KCNJ6: variants seen among roughly 807,000 people sequenced by gnomAD.
The protein encoded by KCNJ6 is G protein-activated inward rectifier potassium channel 2.
KCNJ6 carries 9 observed loss-of-function variants against 34.2 expected under a neutral mutation model. The observed-to-expected ratio is 0.26, with a 90% CI of 0.16 to 0.46. The LOEUF (loss-of-function observed/expected upper bound fraction) is 0.46, where lower values mean the gene tolerates loss of function less well. KCNJ6 is among the 20% of genes least tolerant of loss of function. The pLI is 1.00. For synonymous variants in KCNJ6, 196 were observed against 207.1 expected, an observed-to-expected ratio of 0.95 and a Z score of 0.46; for missense variants, 236 against 531.3, an observed-to-expected ratio of 0.44 and a Z score of 5.46.
At chr21:37,811,923 C>A (rs16995518) in intron 2 of KCNJ6, among the ~76,000 whole-genome samples, 1 of 152,112 alleles carries the variant, frequency 6.6e-6, no homozygotes, top group Non-Finnish European at 1.5e-5. Context: ...ATTGGAAAAA[C>A]ATTTGGCAAA....
intron 3 of KCNJ6, among the ~76,000 whole-genome samples, chr21:37,663,228 C>G (rs1335508102): frequency 1.3e-5 from 2 of 152,104 alleles, no homozygotes; most frequent in Non-Finnish European, 1.5e-5. Flanking sequence ...TCCATGGGAT[C>G]TATTTACATG....
intron 1 of KCNJ6, among the ~76,000 whole-genome samples, chr21:37,864,543 C>T (rs1031860504): frequency 6.6e-6 from 1 of 152,152 alleles, no homozygotes; most frequent in Admixed American, 6.5e-5. Context: ...AACTAGACAA[C>T]AAGTTACCCA....
chr21:37,812,702 A>G (rs939678454), intron 2 of KCNJ6, among the ~76,000 whole-genome samples: 24 of 152,220 alleles, frequency 1.6e-4, no homozygotes, highest in Admixed American at 2.6e-4. Context: ...AAAAAATTTG[A>G]TAAAATTCAA....
At chr21:37,864,874 T>C (rs79539429) in intron 1 of KCNJ6, among the ~76,000 whole-genome samples, 166 of 146,198 alleles carry the variant, frequency 1.1e-3, no homozygotes, top group Admixed American at 1.9e-3. Flanking sequence ...TCTCTCTCTT[T>C]TTTTTTTTTT....
In KCNJ6 at chr21:37,811,048, G is replaced by A. The variant is rs933925627; in HGVS notation, c.25+29610C>T. Among the ~76,000 whole-genome samples the A allele has an allele frequency of 2.6e-5, 4 of 152,136 alleles. No individual in the cohort carries two copies. In the South Asian group the frequency reaches 6.2e-4, roughly 24 times the overall value. On this transcript the variant is annotated intron_variant, in intron 2 of 3. Transcript: ENST00000609713. ...CTAACCCATCCATCCTCCGGGAAGA[G>A]GAGAGAGGCTGGAGATTGAGTTAAT...
At chr21:37,834,116 G>A (rs916168725) in intron 2 of KCNJ6, among the ~76,000 whole-genome samples, 3 of 152,130 alleles carry the variant, frequency 2.0e-5, no homozygotes, top group African/African-American at 7.2e-5. Flanking sequence ...TCTTTCATCC[G>A]TGTATGCCCA....
chr21:37,793,803 C>T (rs1483985552), intron 2 of KCNJ6, among the ~76,000 whole-genome samples: 1 of 152,186 alleles, frequency 6.6e-6, no homozygotes, highest in African/African-American at 2.4e-5. Context: ...CACACATGGA[C>T]ACACAGCTTC....
intron 2 of KCNJ6, among the ~76,000 whole-genome samples, chr21:37,752,360 T>C (rs12482284): frequency 0.26 from 40,209 of 151,906 alleles, 5,815 homozygotes; most frequent in African/African-American, 0.36. Context: ...TAGGAGGTGG[T>C]CTGACATGAA....
intron 2 of KCNJ6, among the ~76,000 whole-genome samples, chr21:37,827,780 G>A (rs1171000608): frequency 6.6e-6 from 1 of 152,040 alleles, no homozygotes; most frequent in Non-Finnish European, 1.5e-5. Context: ...AGCTTTCAGT[G>A]TATCTGTTAG....
At chr21:37,769,482 A>G (rs1367493013) in intron 2 of KCNJ6, among the ~76,000 whole-genome samples, 1 of 150,996 alleles carries the variant, frequency 6.6e-6, no homozygotes, top group Non-Finnish European at 1.5e-5. Flanking sequence ...TTATTTTCAA[A>G]CTCAACATAG....
chr21:37,687,252 CG>C (rs1342704782), intron 3 of KCNJ6, among the ~76,000 whole-genome samples: 1 of 152,102 alleles, frequency 6.6e-6, no homozygotes. Flanking sequence ...CTCAGCAACG[CG>C]GGGTTACAGG....
intron 3 of KCNJ6, among the ~76,000 whole-genome samples, chr21:37,683,515 T>C (rs1478793913): frequency 1.3e-5 from 2 of 152,250 alleles, no homozygotes; most frequent in African/African-American, 4.8e-5. Flanking sequence ...GCTTCTTTAG[T>C]TTTTATTTGC....
chr21:37,914,666 G>A (rs1255513066), intron 1 of KCNJ6, among the ~76,000 whole-genome samples: 1 of 152,184 alleles, frequency 6.6e-6, no homozygotes, highest in Non-Finnish European at 1.5e-5. Context: ...AGGCAAAATG[G>A]GCGAAGCTCA....
chr21:37,683,040 C>T (rs1438634896), intron 3 of KCNJ6, among the ~76,000 whole-genome samples: 1 of 152,238 alleles, frequency 6.6e-6, no homozygotes, highest in African/African-American at 2.4e-5. Flanking sequence ...CAAGTAAATC[C>T]AGCTTGCTTC....
At chr21:37,773,916 C>G (rs2055129620) in intron 2 of KCNJ6, among the ~76,000 whole-genome samples, 1 of 152,146 alleles carries the variant, frequency 6.6e-6, no homozygotes, top group Non-Finnish European at 1.5e-5. Flanking sequence ...CATACCTGGG[C>G]TCTGTACTTC....
Position 37,618,966 on chromosome 21 carries a change from A to C in KCNJ6, c.*6193T>G, listed in dbSNP as rs556775655. ...TGAACTTTGAGATTTGTTTCCTCCC[A>C]CTTAGTTGTTTCCTCCCACTCTTCC... On this transcript the variant is annotated 3_prime_UTR_variant, in exon 4 of 4. Transcript: ENST00000609713. 6.6e-6 allele frequency: 1 copy of C among 152,298 alleles called. No homozygotes were observed. Among genetic ancestry groups the C allele is most frequent in the South Asian group, 2.1e-4 (1 of 4,824 alleles). 9.4% of individuals were successfully genotyped at this position (152,298 alleles called of 1,614,324 possible).
At chr21:37,630,254 T>G (rs2054328454) in intron 3 of KCNJ6, among the ~76,000 whole-genome samples, 1 of 152,060 alleles carries the variant, frequency 6.6e-6, no homozygotes, top group African/African-American at 2.4e-5. Context: ...GATGCTTCAT[T>G]TGGTGAAGAG....
chr21:37,876,226 C>T (rs144392497), intron 1 of KCNJ6, among the ~76,000 whole-genome samples: 3 of 152,222 alleles, frequency 2.0e-5, no homozygotes, highest in Non-Finnish European at 4.4e-5. Context: ...TGGACCGGGC[C>T]GTCTCATTTC....
intron 2 of KCNJ6, among the ~76,000 whole-genome samples, chr21:37,796,809 C>A (rs1482171881): frequency 2.5e-5 from 2 of 79,732 alleles, no homozygotes; most frequent in African/African-American, 1.1e-4. Context: ...TTTTTTGAGA[C>A]GGAGTCTTGC....
Sources: allele counts gnomAD v4.1 joint callset (sites outside exome capture counted in the v4.1 genomes callset), GRCh38; gene constraint gnomAD v4.1.1; transcripts MANE v1.5; gene names NCBI Gene and HGNC (gene_info 2026-07-23, HGNC 2026-07-21).